PARP1: variants seen among roughly 807,000 people sequenced by gnomAD.
PARP1 encodes the protein poly(ADP-ribose) polymerase 1.
PARP1 carries 44 observed loss-of-function variants against 118.7 expected under a neutral mutation model. The ratio of observed to expected loss-of-function variants is 0.37; its 90% CI spans 0.29 to 0.48. The LOEUF is 0.48. Ranked by LOEUF, PARP1 falls within the 20% of genes least tolerant of loss-of-function variation. The pLI is 0.99. For synonymous variants in PARP1, 492 were observed against 483.2 expected, an observed-to-expected ratio of 1.02 and a Z score of -0.24; for missense variants, 1,100 against 1,272.4, an observed-to-expected ratio of 0.86 and a Z score of 2.06.
At chr1:226,363,853 T>A in intron 20 of PARP1, 90 bp downstream of exon 20, 1 of 1,437,310 alleles carries the variant, frequency 7.0e-7, no homozygotes, top group Non-Finnish European at 9.8e-7. Flanking sequence ...GTGGGGAATT[T>A]CTACTCTCCC....
chr1:226,382,408 C>T (rs1267982473), intron 8 of PARP1, among the ~76,000 whole-genome samples: 1 of 152,208 alleles, frequency 6.6e-6, no homozygotes, highest in Non-Finnish European at 1.5e-5. Flanking sequence ...TGGGATGCTC[C>T]TCTGCAGTGC....
intron 2 of PARP1, among the ~76,000 whole-genome samples, chr1:226,398,660 A>G (rs1375897503): frequency 6.6e-6 from 1 of 152,220 alleles, no homozygotes; most frequent in East Asian, 1.9e-4. Context: ...TAAAACAATA[A>G]TAAAATACTA....
rs71773443 is a variant in PARP1 at position 226,405,315 on chromosome 1, AGGGTCTGGGTCT to A, written c.120+2483_120+2494del. 4.6e-5 allele frequency among the ~76,000 whole-genome samples: 7 copies of A among 151,520 alleles called. No individual in the cohort carries two copies. The South Asian group carries it at 1.0e-3, about 23-fold the overall frequency. On this transcript the variant is annotated intron_variant, in intron 1 of 22. Coordinates refer to ENST00000366794, the MANE Select transcript of PARP1 (RefSeq NM_001618.4). The stretch of plus-strand genomic sequence containing the variant: ...GTTATTACTATTTTTTTTTTCAGAC[AGGGTCTGGGTCT>A]GGGTCTGGGTCTGTCGCCCAGGCTG...
rs1805406 is a variant in PARP1 at position 226,379,326 on chromosome 1, A to G, written c.1613-52T>C. 2,038 of 1,610,952 alleles carry G rather than the reference A, an allele frequency of 1.3e-3. 25 individuals are homozygous for G. The African/African-American group carries it at 0.024, about 19-fold the overall frequency. On this transcript the variant is annotated intron_variant, in intron 11 of 22. Transcript: ENST00000366794. ...TTTTCTCTCCCCTTGAGGTGCTAGC[A>G]CTCTCACGGAGAAGGGATCTGCAGG...
At chr1:226,377,520 A>G (rs1239732912) in intron 12 of PARP1, among the ~76,000 whole-genome samples, 1 of 152,220 alleles carries the variant, frequency 6.6e-6, no homozygotes, top group Non-Finnish European at 1.5e-5. Flanking sequence ...AAAAAATGCC[A>G]AAGAATAGTT....
At position 226,407,933 on chromosome 1, in the gene PARP1, C is replaced by G. The variant is rs774950681; in HGVS notation, c.-4G>C. On this transcript the variant is annotated 5_prime_UTR_variant, in exon 1 of 23. Transcript: ENST00000366794. Reference sequence around the variant, plus strand: ...GCTTATCCGAAGACTCCGCCATCCTCCCCTAGCTGCCGCCAAAGCTCCGGA... The same window carrying G: ...GCTTATCCGAAGACTCCGCCATCCTGCCCTAGCTGCCGCCAAAGCTCCGGA... 6.2e-6 allele frequency: 10 copies of G among 1,612,366 alleles called. No homozygotes were observed. Among genetic ancestry groups the G allele is most frequent in the Non-Finnish European group, 8.5e-6 (10 of 1,179,066 alleles).
At chr1:226,400,628 A>G (rs1665016807) in intron 2 of PARP1, among the ~76,000 whole-genome samples, 1 of 152,094 alleles carries the variant, frequency 6.6e-6, no homozygotes, top group Admixed American at 6.5e-5. Context: ...AGTAACAAAC[A>G]CAGCACTGTC....
chr1:226,384,311 C>A (rs564314169), intron 7 of PARP1, among the ~76,000 whole-genome samples: 13 of 152,330 alleles, frequency 8.5e-5, no homozygotes, highest in Admixed American at 3.3e-4. Context: ...AAAAAGGCTG[C>A]AGAAGGCCAG....
Position 226,388,711 on chromosome 1 carries a change from T to C in PARP1, c.662A>G (p.Lys221Arg). The change falls in exon 5 of 23, where the codon AAG becomes AGG. Residue 221 changes from lysine (K) to arginine (R), a missense_variant. Lys to Arg is a conservative substitution (Grantham distance 26). Around this residue, in one of 2 missense-constraint regions of PARP1, gnomAD observed 948 missense variants for 1,031.8 expected, o/e 0.92. Coordinates refer to ENST00000366794, the MANE Select transcript of PARP1 (RefSeq NM_001618.4). ...DEVDGVDEVA[K>R]KKSKKEKDKD... is the part of the protein sequence containing the mutation. ...GTCTTTTTCTTTTTTAGATTTCTTC[T>C]TCGCCACTTCATCCACTCCATCCAC... is the stretch of plus-strand genomic sequence containing the variant. 6.2e-7 allele frequency: 1 copy of C among 1,614,190 alleles called. No homozygotes were observed. Among genetic ancestry groups the C allele is most frequent in the Non-Finnish European group, 8.5e-7 (1 of 1,180,002 alleles).
At chr1:226,403,778 G>T (rs968018888) in intron 1 of PARP1, among the ~76,000 whole-genome samples, 2 of 152,200 alleles carry the variant, frequency 1.3e-5, no homozygotes, top group African/African-American at 4.8e-5. Flanking sequence ...TAAAGTAAGG[G>T]AAGTCCCAAA....
In PARP1 at chr1:226,407,830, G is replaced by A; in HGVS notation, c.100C>T (p.Arg34Trp). 1 of 1,582,362 alleles carries A rather than the reference G, an allele frequency of 6.3e-7. No homozygotes were observed. The highest frequency in any genetic ancestry group is 8.6e-7 in the Non-Finnish European group (1 of 1,164,574). The change falls in exon 1 of 23, where the codon CGG becomes TGG. Residue 34 changes from arginine to tryptophan, a missense_variant. This residue lies in a region of PARP1 where 948 missense variants were observed against 1,031.8 expected (regional missense o/e 0.92). Coordinates refer to ENST00000366794, the MANE Select transcript of PARP1 (RefSeq NM_001618.4). The stretch of plus-strand genomic sequence containing the variant: ...CGCACCTGCACCATGATGGCCATCC[G>A]GAGCGAGTCCTTGGGGATGCTCTCG... ...CSESIPKDSL[R>W]MAIMVQSPMF...
intron 3 of PARP1, among the ~76,000 whole-genome samples, 158 bp downstream of exon 3, chr1:226,392,041 G>T (rs900113517): frequency 2.6e-5 from 4 of 152,222 alleles, no homozygotes; most frequent in African/African-American, 9.6e-5. Flanking sequence ...GGAAGTCACT[G>T]ACGTATCTGG....
intron 1 of PARP1, among the ~76,000 whole-genome samples, chr1:226,403,036 G>C (rs1317037927): frequency 6.6e-6 from 1 of 152,218 alleles, no homozygotes; most frequent in African/African-American, 2.4e-5. Context: ...CCTAGAGCTG[G>C]AGTCAGCTGC....
chr1:226,392,880 A>T, intron 2 of PARP1: 1 of 1,542,440 alleles, frequency 6.5e-7, no homozygotes, highest in Non-Finnish European at 8.7e-7. Flanking sequence ...TTCTTCTCTT[A>T]TTATAAAAAT....
chr1:226,383,011 A>G, intron 8 of PARP1, 25 bp downstream of exon 8: 1 of 1,611,828 alleles, frequency 6.2e-7, no homozygotes, highest in Non-Finnish European at 8.5e-7. Context: ...AAGCAGCTCT[A>G]AGACCGGGGT....
chr1:226,362,097 G>T lies in PARP1; in HGVS notation c.2849-14C>A. On this transcript the variant is annotated splice_polypyrimidine_tract_variant and intron_variant, in intron 21 of 22. Coordinates refer to ENST00000366794, the MANE Select transcript of PARP1 (RefSeq NM_001618.4). Reference sequence around the variant, plus strand: ...TTTTGCCCAAACCTGAAAAACAGAAGTCACAAGTGACATGAACTGTGAGTA... The same window carrying T: ...TTTTGCCCAAACCTGAAAAACAGAATTCACAAGTGACATGAACTGTGAGTA... 1 of 1,473,248 alleles carries T rather than the reference G, an allele frequency of 6.8e-7. No individual in the cohort carries two copies. The highest frequency in any genetic ancestry group is 9.5e-7 in the Non-Finnish European group (1 of 1,051,526). 91.3% of individuals were successfully genotyped at this position (1,473,248 alleles called of 1,614,324 possible).
chr1:226,399,049 C>T (rs1383599245), intron 2 of PARP1, among the ~76,000 whole-genome samples: 1 of 147,564 alleles, frequency 6.8e-6, no homozygotes, highest in African/African-American at 2.5e-5. Flanking sequence ...AATGAGCTAT[C>T]AATACGACAA....
At chr1:226,392,677 C>G in intron 2 of PARP1, 1 of 537,762 alleles carries the variant, frequency 1.9e-6, no homozygotes, top group East Asian at 3.1e-5. Flanking sequence ...CTCACTAAGG[C>G]TTCTAATTTC....
Position 226,367,558 on chromosome 1 carries a change from A to G in PARP1, c.2328T>C (p.Ser776=). 6.2e-7 allele frequency: 1 copy of G among 1,614,146 alleles called. No homozygotes were observed. The highest frequency in any genetic ancestry group is 8.5e-7 in the Non-Finnish European group (1 of 1,180,012). The change falls in exon 17 of 23, where the codon AGT becomes AGC. Residue 776 remains serine, a synonymous_variant. Transcript: ENST00000366794. Reference sequence around the variant, plus strand: ...TATCATCAGACCCTCCCCTGAGCAGACTGTAGGCCACCTCGATGTCCAGCA... The same window carrying G: ...TATCATCAGACCCTCCCCTGAGCAGGCTGTAGGCCACCTCGATGTCCAGCA... ...DNLLDIEVAY[S]LLRGGSDDSS...
Sources: allele counts gnomAD v4.1 joint callset (sites outside exome capture counted in the v4.1 genomes callset), GRCh38; gene constraint gnomAD v4.1.1; regional missense constraint gnomAD v4.1.1; transcripts MANE v1.5; gene names NCBI Gene and HGNC (gene_info 2026-07-23, HGNC 2026-07-21).